The following ADCY9 variants were observed in gnomAD, a reference collection of about 807,000 sequenced individuals.
The protein encoded by ADCY9 is adenylate cyclase type 9.
Under a neutral mutation model 101.5 loss-of-function variants are expected in ADCY9, and 50 were observed. The observed-to-expected ratio is 0.49, with a 90% CI of 0.39 to 0.62. ADCY9 has a LOEUF of 0.62. ADCY9 is among the 20% of genes least tolerant of loss of function. The pLI is 0.00. For missense variants in ADCY9, 1,662 were observed against 1,800.4 expected (o/e 0.92, Z 1.39); for synonymous variants, 905 against 769.3 (o/e 1.18, Z -2.92).
intron 2 of ADCY9, among the ~76,000 whole-genome samples, chr16:4,065,966 A>T (rs1029731787): frequency 6.6e-6 from 1 of 152,218 alleles, no homozygotes; most frequent in Non-Finnish European, 1.5e-5. Context: ...GGCCTCCCAA[A>T]GTGCTGGGAT....
intron 2 of ADCY9, among the ~76,000 whole-genome samples, chr16:4,106,211 C>T (rs769291414): frequency 4.6e-5 from 7 of 152,202 alleles, no homozygotes; most frequent in East Asian, 1.9e-4. Flanking sequence ...CAGTCTTCTT[C>T]GCTGAAGTTG....
In ADCY9 at chr16:4,097,554, T is replaced by TATATATATA. The variant is rs1491239469; in HGVS notation, c.1693+16195_1693+16196insTATATATAT. On this transcript the variant is annotated intron_variant, in intron 2 of 10. Coordinates refer to ENST00000294016, the MANE Select transcript of ADCY9 (RefSeq NM_001116.4). The stretch of plus-strand genomic sequence containing the variant: ...ATATATATATATATATATATATATA[T>TATATATATA]TTTTTTTTTTTTTTTTTAAGACAGA... 9.1e-4 allele frequency among the ~76,000 whole-genome samples: 22 copies of TATATATATA among 24,144 alleles called. 1 individual carries two copies. The highest frequency in any genetic ancestry group is 5.4e-3 in the African/African-American group (21 of 3,924). 15.8% of individuals were successfully genotyped at this position (24,144 alleles called of 152,430 possible).
At chr16:4,020,478 A>C (rs1211350321) in intron 2 of ADCY9, among the ~76,000 whole-genome samples, 1 of 152,194 alleles carries the variant, frequency 6.6e-6, no homozygotes, top group African/African-American at 2.4e-5. Flanking sequence ...TTTAGACGCA[A>C]ATACGAGAGG....
intron 2 of ADCY9, among the ~76,000 whole-genome samples, chr16:4,020,757 C>T (rs1329931595): frequency 1.3e-5 from 2 of 149,680 alleles, no homozygotes; most frequent in African/African-American, 4.9e-5. Flanking sequence ...ACCCAGGAGG[C>T]GGAGCTTGCA....
At chr16:4,045,834 G>T (rs1389866683) in intron 2 of ADCY9, among the ~76,000 whole-genome samples, 1 of 150,008 alleles carries the variant, frequency 6.7e-6, no homozygotes, top group Non-Finnish European at 1.5e-5. Context: ...GAGTAGCTGG[G>T]ACTACAGACA....
intron 3 of ADCY9, 130 bp from the exon 4 acceptor site, chr16:3,993,640 C>A: frequency 1.7e-6 from 2 of 1,148,752 alleles, no homozygotes; most frequent in East Asian, 2.5e-5. Context: ...CACACAGAAC[C>A]GCTCGGGGAT....
At chr16:3,995,581 G>A (rs2056280293) in intron 3 of ADCY9, among the ~76,000 whole-genome samples, 1 of 150,738 alleles carries the variant, frequency 6.6e-6, no homozygotes, top group Admixed American at 6.7e-5. Flanking sequence ...CAATGAAGAA[G>A]ACAAACCGTG....
chr16:4,012,504 T>A (rs2056410968), intron 2 of ADCY9, among the ~76,000 whole-genome samples: 1 of 149,750 alleles, frequency 6.7e-6, no homozygotes, highest in African/African-American at 2.4e-5. Flanking sequence ...GCTAAATGAT[T>A]TAAGTGTAGT....
intron 6 of ADCY9, among the ~76,000 whole-genome samples, chr16:3,986,619 G>A (rs939903254): frequency 2.0e-4 from 31 of 152,224 alleles, no homozygotes; most frequent in African/African-American, 7.5e-4. Flanking sequence ...CACCATACCT[G>A]GCTAAGTTTT....
In ADCY9 at chr16:3,964,463, G is replaced by A. The variant is rs1391029358; in HGVS notation, c.*1312C>T. ...GCCTCTGTCCCTAGATACGGTGTGA[G>A]AACTCCATTTCAGAGCTGGAATTTG... On this transcript the variant is annotated 3_prime_UTR_variant, in exon 11 of 11. Coordinates refer to ENST00000294016, the MANE Select transcript of ADCY9 (RefSeq NM_001116.4). The A allele has an allele frequency of 2.6e-5, 4 of 152,316 alleles. No homozygotes were observed. The highest frequency in any genetic ancestry group is 9.6e-5 in the African/African-American group (4 of 41,462). 9.4% of individuals were successfully genotyped at this position (152,316 alleles called of 1,614,324 possible).
chr16:4,101,465 G>C (rs936954077), intron 2 of ADCY9, among the ~76,000 whole-genome samples: 5 of 152,010 alleles, frequency 3.3e-5, no homozygotes, highest in African/African-American at 1.2e-4. Context: ...TATTTTTAGA[G>C]ACAGGGTCTC....
At position 4,115,970 on chromosome 16, in the gene ADCY9, C is replaced by G. The variant is rs946269300; in HGVS notation, c.-324G>C. ...GCGTCAAAGGCGGCGCGCGGCCGGC[C>G]CCGGGCCCGGACCCCGACCCGGAGC... On this transcript the variant is annotated 5_prime_UTR_variant, in exon 1 of 11. Coordinates refer to ENST00000294016, the MANE Select transcript of ADCY9 (RefSeq NM_001116.4). This position sits in a 1 kb window ranked among gnomAD's most constrained non-coding sequence, Gnocchi z 6.2. 22 of 188,200 alleles carry G rather than the reference C, an allele frequency of 1.2e-4. No homozygotes were observed. The highest frequency in any genetic ancestry group is 7.7e-4 in the African/African-American group (4 of 5,216). The allele number at this position is 188,200 out of a possible 1,614,324, so 11.7% of individuals were successfully genotyped here. A position where few individuals can be genotyped will look rare whatever the true frequency, so the allele number is the denominator to read the frequency against.
At chr16:3,989,144 G>T in intron 5 of ADCY9, 48 bp from the exon 6 acceptor site, 2 of 1,340,244 alleles carry the variant, frequency 1.5e-6, no homozygotes, top group African/African-American at 1.4e-5. Context: ...CACCATAACT[G>T]TGCCAATGTT....
chr16:4,043,136 C>A (rs1165913296), intron 2 of ADCY9, among the ~76,000 whole-genome samples: 1 of 152,064 alleles, frequency 6.6e-6, no homozygotes, highest in Non-Finnish European at 1.5e-5. Context: ...GAGGCTGAGG[C>A]AGGAGAATGG....
At chr16:3,984,978 G>A (rs2056178475) in intron 6 of ADCY9, among the ~76,000 whole-genome samples, 1 of 152,178 alleles carries the variant, frequency 6.6e-6, no homozygotes, top group Non-Finnish European at 1.5e-5. Context: ...CTGATGCCAG[G>A]CTGGACCCTG....
intron 2 of ADCY9, among the ~76,000 whole-genome samples, chr16:4,068,680 G>A (rs567870403): frequency 6.6e-6 from 1 of 152,068 alleles, no homozygotes; most frequent in Non-Finnish European, 1.5e-5. Context: ...AGCTGGGCAT[G>A]GTGGCGGGCG....
chr16:4,055,386 T>C (rs373299118), intron 2 of ADCY9, among the ~76,000 whole-genome samples: 66 of 151,792 alleles, frequency 4.3e-4, no homozygotes, highest in African/African-American at 1.5e-3. Flanking sequence ...TACAAAAAAT[T>C]AGCTGGGCAT....
chr16:4,100,890 G>A (rs953907663), intron 2 of ADCY9, among the ~76,000 whole-genome samples: 1 of 152,190 alleles, frequency 6.6e-6, no homozygotes, highest in African/African-American at 2.4e-5. Context: ...GGATACGTGA[G>A]GGCAGGGTAC....
At chr16:4,036,453 G>GGTTT (rs1383925278) in intron 2 of ADCY9, among the ~76,000 whole-genome samples, 4 of 136,838 alleles carry the variant, frequency 2.9e-5, no homozygotes, top group East Asian at 2.2e-4. Flanking sequence ...TTGGTTTTGG[G>GGTTT]GTTTGTTTGT....
Sources: gnomAD v4.1 joint callset for allele counts (sites outside exome capture counted in the v4.1 genomes callset) on GRCh38, gnomAD v4.1.1 for gene constraint, Gnocchi (gnomAD v3.1) non-coding constraint, MANE v1.5 for transcripts, NCBI Gene and HGNC (gene_info 2026-07-23, HGNC 2026-07-21) for gene names.